The following RABGAP1L variants were observed in gnomAD, a reference collection of about 807,000 sequenced individuals.
The protein encoded by RABGAP1L is rab GTPase-activating protein 1-like.
Under a neutral mutation model 137.7 loss-of-function variants are expected in RABGAP1L, and 63 were observed. The observed-to-expected ratio is 0.46, with a 90% confidence interval of 0.37 to 0.56. The LOEUF (loss-of-function observed/expected upper bound fraction) is 0.56, where lower values mean the gene tolerates loss of function less well. RABGAP1L is among the 20% of genes least tolerant of loss of function. The pLI is 0.00. For synonymous variants in RABGAP1L, 431 were observed against 433.7 expected (o/e 0.99, Z 0.08); for missense variants, 1,095 against 1,244.0 (o/e 0.88, Z 1.80).
At chr1:174,524,201 G>GT (rs1415422805) in intron 13 of RABGAP1L, among the ~76,000 whole-genome samples, 1,499 of 147,148 alleles carry the variant, frequency 0.01, 23 homozygotes, top group African/African-American at 0.033. Context: ...TGTTGTTGTT[G>GT]TTGTTGTTTT....
chr1:174,765,027 CTGTCAATCTCATCTGTCCG>C (rs781380319), intron 18 of RABGAP1L, among the ~76,000 whole-genome samples: 5 of 152,158 alleles, frequency 3.3e-5, no homozygotes, highest in African/African-American at 7.2e-5. Context: ...AGGTAAACTA[CTGTCAATCTCATCTGTCCG>C]TGTCAATCTC....
At chr1:174,621,130 G>A in intron 13 of RABGAP1L, among the ~76,000 whole-genome samples, 1 of 152,030 alleles carries the variant, frequency 6.6e-6, no homozygotes, top group Non-Finnish European at 1.5e-5. Flanking sequence ...AAAATACCTA[G>A]GAATCCAACT....
At chr1:174,854,069 C>A (rs1648842579) in intron 19 of RABGAP1L, among the ~76,000 whole-genome samples, 1 of 152,190 alleles carries the variant, frequency 6.6e-6, no homozygotes, top group Non-Finnish European at 1.5e-5. Context: ...TAATGAATGT[C>A]AGATTGCAGG....
At chr1:174,611,214 T>C (rs1046677728) in intron 13 of RABGAP1L, among the ~76,000 whole-genome samples, 2 of 147,128 alleles carry the variant, frequency 1.4e-5, no homozygotes, top group African/African-American at 5.2e-5. Flanking sequence ...CTTTTATCCA[T>C]CTTGAATTAA....
At chr1:174,964,966 G>A (rs779460945) in intron 20 of RABGAP1L, 2 of 1,500,766 alleles carry the variant, frequency 1.3e-6, no homozygotes, top group Non-Finnish European at 1.8e-6. Flanking sequence ...AACAGTAGTT[G>A]GTCTATGACT....
At chr1:174,224,935 A>T (rs942220368) in intron 3 of RABGAP1L, among the ~76,000 whole-genome samples, 6 of 151,400 alleles carry the variant, frequency 4.0e-5, no homozygotes, top group Non-Finnish European at 8.8e-5. Context: ...CTTTGAGTTT[A>T]TCTTTTTTTT....
At position 174,278,695 on chromosome 1, in the gene RABGAP1L, A is replaced by C; in HGVS notation, c.1239A>C (p.Val413=). The C allele has an allele frequency of 6.2e-7, 1 of 1,611,612 alleles. No individual in the cohort carries two copies. Among genetic ancestry groups the C allele is most frequent in the South Asian group, 1.1e-5 (1 of 90,576 alleles). The change falls in exon 10 of 26, where the codon GTA becomes GTC. Residue 413 remains valine (V), a synonymous_variant. Transcript: ENST00000681986. The part of the protein sequence containing the change: ...VEPVRFLLET[V]VRVYPANERF... ...CTGTTCGCTTTCTCCTGGAGACAGT[A>C]GTCCGTGTGTACCCTGCAAATGAGC...
At chr1:174,683,230 G>A (rs1678215842) in intron 14 of RABGAP1L, among the ~76,000 whole-genome samples, 1 of 151,828 alleles carries the variant, frequency 6.6e-6, no homozygotes. Flanking sequence ...TCATACAGCT[G>A]ATCTCAAACC....
intron 13 of RABGAP1L, among the ~76,000 whole-genome samples, chr1:174,478,217 C>T (rs1658706797): frequency 6.6e-6 from 1 of 151,814 alleles, no homozygotes; most frequent in Non-Finnish European, 1.5e-5. Context: ...TTCAAGGGGA[C>T]TATCTCTTAA....
intron 13 of RABGAP1L, among the ~76,000 whole-genome samples, chr1:174,560,073 G>T (rs1320354064): frequency 3.3e-5 from 5 of 151,986 alleles, no homozygotes; most frequent in Non-Finnish European, 5.9e-5. Context: ...GGCAGAGGTT[G>T]CAGTGAGCTG....
At chr1:174,755,721 T>C (rs1009372877) in intron 18 of RABGAP1L, among the ~76,000 whole-genome samples, 2 of 152,226 alleles carry the variant, frequency 1.3e-5, no homozygotes, top group African/African-American at 2.4e-5. Context: ...TGTATGTATG[T>C]ATATTTTTAA....
intron 21 of RABGAP1L, among the ~76,000 whole-genome samples, chr1:174,972,134 A>G (rs1405007632): frequency 1.3e-5 from 2 of 152,202 alleles, no homozygotes; most frequent in Non-Finnish European, 2.9e-5. Context: ...TCTGTTTGCT[A>G]TCTGCTTTCA....
At chr1:174,786,886 C>T (rs1454492452) in intron 18 of RABGAP1L, among the ~76,000 whole-genome samples, 1 of 151,900 alleles carries the variant, frequency 6.6e-6, no homozygotes, top group Non-Finnish European at 1.5e-5. Context: ...TGTTCATTTA[C>T]TCAATATGTA....
At chr1:174,394,209 A>G (rs1647534252) in intron 13 of RABGAP1L, 64 bp downstream of exon 13, 3 of 1,555,428 alleles carry the variant, frequency 1.9e-6, no homozygotes, top group Non-Finnish European at 2.6e-6. Context: ...CCTAGTTTTC[A>G]TAGCTCCCAT....
chr1:174,215,435 C>G (rs61828581), intron 1 of RABGAP1L, among the ~76,000 whole-genome samples: 4 of 145,092 alleles, frequency 2.8e-5, no homozygotes, highest in African/African-American at 1.0e-4. Flanking sequence ...CCAGCCTGGG[C>G]GACAAGAGCG....
chr1:174,877,206 A>G (rs1653266063), intron 19 of RABGAP1L, among the ~76,000 whole-genome samples: 1 of 152,110 alleles, frequency 6.6e-6, no homozygotes, highest in South Asian at 2.1e-4. Flanking sequence ...CAAAAATTGA[A>G]TTTTCCAGCT....
chr1:174,402,220 A>G (rs1005335223), intron 13 of RABGAP1L, among the ~76,000 whole-genome samples: 2 of 152,154 alleles, frequency 1.3e-5, no homozygotes, highest in Non-Finnish European at 2.9e-5. Flanking sequence ...CATGGTTACT[A>G]AATAGTAGAA....
chr1:174,793,779 T>G (rs184422868), intron 18 of RABGAP1L, among the ~76,000 whole-genome samples: 22 of 152,156 alleles, frequency 1.4e-4, no homozygotes, highest in Admixed American at 1.4e-3. Context: ...CACTGCAACC[T>G]CTGCCTCCCA....
chr1:174,284,901 A>C (rs1004530537), intron 10 of RABGAP1L, among the ~76,000 whole-genome samples: 1 of 151,664 alleles, frequency 6.6e-6, no homozygotes, highest in Non-Finnish European at 1.5e-5. Flanking sequence ...CATTGAATCT[A>C]TAGATTTCTT....
Sources: gnomAD v4.1 joint callset for allele counts (sites outside exome capture counted in the v4.1 genomes callset) on GRCh38, gnomAD v4.1.1 for gene constraint, MANE v1.5 for transcripts, NCBI Gene and HGNC (gene_info 2026-07-23, HGNC 2026-07-21) for gene names.